Variants in MICAL3 observed in about 807,000 individuals in gnomAD.
MICAL3 encodes microtubule associated monooxygenase, calponin and LIM domain containing 3.
MICAL3 carries 62 observed loss-of-function variants against 207.4 expected under a neutral mutation model. The ratio of observed to expected loss-of-function variants is 0.30; its 90% CI spans 0.24 to 0.37. The LOEUF (loss-of-function observed/expected upper bound fraction) is 0.37, where lower values mean the gene tolerates loss of function less well. Among genes scored for constraint, MICAL3 ranks in the 10% least tolerant of loss-of-function variants. The pLI is 1.00. For synonymous variants in MICAL3, 1,077 were observed against 1,069.3 expected, an observed-to-expected ratio of 1.01 and a Z score of -0.14; for missense variants, 2,368 against 2,635.6, an observed-to-expected ratio of 0.90 and a Z score of 2.22.
intron 1 of MICAL3, among the ~76,000 whole-genome samples, chr22:17,916,080 A>AC (rs1466057876): frequency 3.5e-5 from 5 of 143,612 alleles, no homozygotes; most frequent in East Asian, 2.0e-4. Context: ...AAAAAAAAAA[A>AC]CCCAAAAAGC....
chr22:17,824,836 A>G (rs1922005315), intron 22 of MICAL3, among the ~76,000 whole-genome samples: 1 of 152,370 alleles, frequency 6.6e-6, no homozygotes, highest in East Asian at 1.9e-4. Flanking sequence ...CAAGGAAGAC[A>G]GTTCATCAAA....
In MICAL3 at chr22:17,849,685, TG is replaced by T. The variant is rs1925068754; in HGVS notation, c.2606-7669del. Among the ~76,000 whole-genome samples, 121 of 114,602 alleles carry T rather than the reference TG, an allele frequency of 1.1e-3. 1 individual carries two copies. Among genetic ancestry groups the T allele is most frequent in the Admixed American group, 2.5e-3 (28 of 11,168 alleles). 75.2% of individuals were successfully genotyped at this position (114,602 alleles called of 152,430 possible). ...GTGTGTGTGTGTGTGTGTGTGTGTG[TG>T]TATTTTTTTTTTTTTTTTTTTTTTT... On this transcript the variant is annotated intron_variant, in intron 19 of 31. Coordinates refer to ENST00000441493, the MANE Select transcript of MICAL3 (RefSeq NM_015241.3).
At chr22:17,826,957 C>T (rs1234069738) in intron 22 of MICAL3, among the ~76,000 whole-genome samples, 1 of 152,182 alleles carries the variant, frequency 6.6e-6, no homozygotes, top group African/African-American at 2.4e-5. Flanking sequence ...CCGTGACCGG[C>T]GCTGAATGAA....
Position 17,827,705 on chromosome 22 carries a change from A to G in MICAL3, c.3132T>C (p.His1044=), listed in dbSNP as rs752268108. 25 of 1,581,352 alleles carry G rather than the reference A, an allele frequency of 1.6e-5. No individual in the cohort carries two copies. In the South Asian group the frequency reaches 2.0e-4, roughly 12 times the overall value. ...LEIQADVHWT[H]IREREEEERM... ...TCTCTTCCTCCTCTCTCTCACGGAT[A>G]TGAGTCCAGTGCACGTCAGCCTGGA... is the stretch of plus-strand genomic sequence containing the variant. The change falls in exon 22 of 32, where the codon CAT becomes CAC. Residue 1044 remains histidine, a synonymous_variant. Coordinates refer to ENST00000441493, the MANE Select transcript of MICAL3 (RefSeq NM_015241.3).
intron 28 of MICAL3, among the ~76,000 whole-genome samples, chr22:17,810,085 C>G (rs1240327181): frequency 8.3e-6 from 1 of 120,068 alleles, no homozygotes; most frequent in Non-Finnish European, 1.6e-5. Context: ...TTTTTTGAGA[C>G]AGAGTCTCTC....
Position 18,024,527 on chromosome 22 carries a change from G to T in MICAL3, c.-321C>A, listed in dbSNP as rs991718132. The T allele has an allele frequency of 6.6e-6, 1 of 151,828 alleles. No homozygotes were observed. Among genetic ancestry groups the T allele is most frequent in the Non-Finnish European group, 1.5e-5 (1 of 67,956 alleles). 9.4% of individuals were successfully genotyped at this position (151,828 alleles called of 1,614,324 possible). ...CCTGCCTACGCGGGCGCTCCCCGCC[G>T]GGACTCCGCCGGGGCTGCAGGAGCG... On this transcript the variant is annotated 5_prime_UTR_variant, in exon 1 of 32. Transcript: ENST00000441493.
chr22:17,948,504 AG>A (rs777982430), intron 1 of MICAL3, among the ~76,000 whole-genome samples: 13 of 152,208 alleles, frequency 8.5e-5, no homozygotes, highest in Non-Finnish European at 1.9e-4. Context: ...ATTTGACACC[AG>A]GCATCCACAA....
At chr22:17,982,230 G>A (rs1303828624) in intron 1 of MICAL3, among the ~76,000 whole-genome samples, 1 of 152,232 alleles carries the variant, frequency 6.6e-6, no homozygotes, top group East Asian at 1.9e-4. Flanking sequence ...ACACAGCACA[G>A]CCCCGCAGTG....
intron 1 of MICAL3, among the ~76,000 whole-genome samples, chr22:17,921,558 A>G (rs571676833): frequency 9.7e-4 from 148 of 152,238 alleles, no homozygotes; most frequent in Middle Eastern, 3.4e-3. Flanking sequence ...GTGCGATCTC[A>G]GCTCACTGCA....
intron 3 of MICAL3, among the ~76,000 whole-genome samples, chr22:17,903,782 T>C (rs1424560550): frequency 6.6e-6 from 1 of 152,224 alleles, no homozygotes; most frequent in Non-Finnish European, 1.5e-5. Flanking sequence ...TCTGATAAAT[T>C]GGCACAGCTG....
chr22:17,791,032 C>T lies in MICAL3; in HGVS notation c.5790G>A (p.Leu1930=), dbSNP rs754168180. The change falls in exon 31 of 32, where the codon CTG becomes CTA. Residue 1930 remains leucine (L), a synonymous_variant. Transcript: ENST00000441493. ...CCATGCGTTCCCGGAGCTCCTGCTG[C>T]AGTCGACTCTGCCGGTCTTCCAGCT... The part of the protein sequence containing the change: ...ELELEDRQSR[L]QQELRERMAV... 5 of 1,612,442 alleles carry T rather than the reference C, an allele frequency of 3.1e-6. No individual in the cohort carries two copies. In the South Asian group the frequency reaches 5.5e-5, roughly 18 times the overall value.
At chr22:17,933,631 C>A (rs1375957893) in intron 1 of MICAL3, among the ~76,000 whole-genome samples, 3 of 152,050 alleles carry the variant, frequency 2.0e-5, no homozygotes, top group Non-Finnish European at 4.4e-5. Context: ...CAGGGCAGAA[C>A]TGAAAGAGAT....
At chr22:18,022,012 G>A (rs138290716) in intron 1 of MICAL3, among the ~76,000 whole-genome samples, 1,592 of 152,268 alleles carry the variant, frequency 0.01, 77 homozygotes, top group Admixed American at 0.092. Flanking sequence ...CTGGCACCAG[G>A]TGGGTAGATC....
chr22:17,795,298 T>C (rs1365313686), intron 29 of MICAL3, among the ~76,000 whole-genome samples: 2 of 152,248 alleles, frequency 1.3e-5, no homozygotes, highest in South Asian at 4.1e-4. Context: ...GTAGTCTGTC[T>C]TCAGGCTTGG....
At chr22:17,948,413 G>A (rs760229384) in intron 1 of MICAL3, among the ~76,000 whole-genome samples, 1 of 152,118 alleles carries the variant, frequency 6.6e-6, no homozygotes, top group South Asian at 2.1e-4. Context: ...GTCCCGAGGC[G>A]GGGTGTGCCA....
chr22:17,899,552 G>A lies in MICAL3; in HGVS notation c.848-4C>T, dbSNP rs1285083063. On this transcript the variant is annotated splice_polypyrimidine_tract_variant and splice_region_variant and intron_variant, in intron 6 of 31. Transcript: ENST00000441493. ...ACGATGTTCTCCAAGTCAATACCTG[G>A]GGCCAGAAGACAAACGTGTGCATGT... The A allele has an allele frequency of 1.3e-6, 2 of 1,581,496 alleles. No homozygotes were observed. The highest frequency in any genetic ancestry group is 1.7e-6 in the Non-Finnish European group (2 of 1,158,210).
intron 1 of MICAL3, among the ~76,000 whole-genome samples, chr22:17,994,280 A>G (rs1922029970): frequency 6.6e-6 from 1 of 152,144 alleles, no homozygotes; most frequent in Non-Finnish European, 1.5e-5. Context: ...AGTCCACGCT[A>G]AAGGGTAGCT....
intron 1 of MICAL3, among the ~76,000 whole-genome samples, chr22:17,987,387 C>A (rs1299487463): frequency 6.6e-6 from 1 of 152,232 alleles, no homozygotes; most frequent in Admixed American, 6.5e-5. Context: ...GCAGCAGGGA[C>A]TGGCAGGAGC....
At chr22:17,877,606 A>T (rs956342676) in intron 16 of MICAL3, among the ~76,000 whole-genome samples, 10 of 151,820 alleles carry the variant, frequency 6.6e-5, no homozygotes, top group African/African-American at 2.4e-4. Flanking sequence ...GAGGTTATGG[A>T]GGATGGCAGC....
Sources: allele counts gnomAD v4.1 joint callset (sites outside exome capture counted in the v4.1 genomes callset), GRCh38; gene constraint gnomAD v4.1.1; transcripts MANE v1.5; gene names NCBI Gene and HGNC (gene_info 2026-07-23, HGNC 2026-07-21).